CD226: variants seen among roughly 807,000 people sequenced by gnomAD.
CD226 encodes the protein CD226 molecule.
A neutral mutation model predicts 34.9 loss-of-function variants in CD226; 24 were observed. The ratio of observed to expected loss-of-function variants is 0.69; its 90% CI spans 0.50 to 0.97. The LOEUF (loss-of-function observed/expected upper bound fraction) is 0.97, where lower values mean the gene tolerates loss of function less well. Among genes scored for constraint, CD226 ranks in the 50% least tolerant of loss-of-function variants. CD226 has a pLI of 0.00. For synonymous variants in CD226, 148 were observed against 147.4 expected, an observed-to-expected ratio of 1.00 and a Z score of -0.03; for missense variants, 397 against 412.7, an observed-to-expected ratio of 0.96 and a Z score of 0.33.
At position 69,857,471 on chromosome 18, in the gene CD226, T is replaced by C. The variant is rs928166732; in HGVS notation, c.*6843A>G. ...ACTCAGGCAGCTGATCAAAGAATAA[T>C]GGTCTTAGTCACTGTAAGTACTTTT... On this transcript the variant is annotated 3_prime_UTR_variant, in exon 6 of 6. Coordinates refer to ENST00000582621, the MANE Select transcript of CD226 (RefSeq NM_001303618.2). 2 of 152,214 alleles carry C rather than the reference T, an allele frequency of 1.3e-5. No individual in the cohort carries two copies. The highest frequency in any genetic ancestry group is 4.8e-5 in the African/African-American group (2 of 41,446). 9.4% of individuals were successfully genotyped at this position (152,214 alleles called of 1,614,324 possible).
At chr18:69,873,378 A>G (rs893524007) in intron 3 of CD226, 132 bp from the exon 4 acceptor site, 5 of 561,456 alleles carry the variant, frequency 8.9e-6, no homozygotes, top group Non-Finnish European at 1.6e-5. Context: ...AAAAAATAGA[A>G]TGAGTTACAG....
intron 2 of CD226, among the ~76,000 whole-genome samples, chr18:69,919,237 G>A (rs1465960730): frequency 6.6e-6 from 1 of 152,180 alleles, no homozygotes; most frequent in East Asian, 1.9e-4. Flanking sequence ...ACCAAGAACT[G>A]GTTGTGGCCT....
Position 69,867,430 on chromosome 18 carries a change from A to T in CD226, c.831-19T>A. 1 of 1,434,782 alleles carries T rather than the reference A, an allele frequency of 7.0e-7. No individual in the cohort carries two copies. The highest frequency in any genetic ancestry group is 9.8e-7 in the Non-Finnish European group (1 of 1,016,898). 88.9% of individuals were successfully genotyped at this position (1,434,782 alleles called of 1,614,324 possible). A position where few individuals can be genotyped will look rare whatever the true frequency, so the allele number is the denominator to read the frequency against. On this transcript the variant is annotated intron_variant, in intron 4 of 5. Transcript: ENST00000582621. The stretch of plus-strand genomic sequence containing the variant: ...TCTCCTTCTGGAATGCATATTCAAT[A>T]AAGGATATAAAGATATGATATTCCA...
At position 69,891,375 on chromosome 18, in the gene CD226, A is replaced by G. The variant is rs935615917; in HGVS notation, c.727+4326T>C. On this transcript the variant is annotated intron_variant, in intron 3 of 5. Transcript: ENST00000582621. ...CATCTATGAAAAGCCCACAGCTAAC[A>G]TCATACCAAGTCATGTAAGACTGAG... Among the ~76,000 whole-genome samples, 4 of 152,200 alleles carry G rather than the reference A, an allele frequency of 2.6e-5. No individual in the cohort carries two copies. In the East Asian group the frequency reaches 7.7e-4, roughly 29 times the overall value.
chr18:69,877,125 A>G (rs1983925262), intron 3 of CD226, among the ~76,000 whole-genome samples: 1 of 151,692 alleles, frequency 6.6e-6, no homozygotes, highest in African/African-American at 2.4e-5. Context: ...CGGCCTCCCA[A>G]AGTGCTGGGA....
intron 2 of CD226, among the ~76,000 whole-genome samples, chr18:69,906,761 T>A (rs1195491340): frequency 6.6e-6 from 1 of 152,152 alleles, no homozygotes; most frequent in Admixed American, 6.5e-5. Flanking sequence ...AATCTTTGCT[T>A]GGGTTTCGCT....
At chr18:69,886,796 T>G (rs1002453979) in intron 3 of CD226, among the ~76,000 whole-genome samples, 1 of 152,106 alleles carries the variant, frequency 6.6e-6, no homozygotes, top group African/African-American at 2.4e-5. Context: ...TTACAAAGAC[T>G]TATATCTAAA....
rs1982804093 is a variant in CD226 at position 69,861,316 on chromosome 18, A to T, written c.*2998T>A. ...AACATATTATACCTAAAGTTCTTTA[A>T]ATAAAGTTTGAAGGTATCTCTTATA... On this transcript the variant is annotated 3_prime_UTR_variant, in exon 6 of 6. Coordinates refer to ENST00000582621, the MANE Select transcript of CD226 (RefSeq NM_001303618.2). 6.6e-6 allele frequency: 1 copy of T among 151,408 alleles called. No individual in the cohort carries two copies. Among genetic ancestry groups the T allele is most frequent in the African/African-American group, 2.4e-5 (1 of 41,360 alleles). The allele number at this position is 151,408 out of a possible 1,614,324, so 9.4% of individuals were successfully genotyped here.
intron 2 of CD226, among the ~76,000 whole-genome samples, chr18:69,943,131 T>C (rs481014): frequency 1 from 152,302 of 152,304 alleles, 76,150 homozygotes; most frequent in Non-Finnish European, 1. Context: ...TACGGGAACA[T>C]ATTACCTCCC....
intron 2 of CD226, among the ~76,000 whole-genome samples, chr18:69,922,239 G>T (rs2055460644): frequency 6.6e-6 from 1 of 152,118 alleles, no homozygotes; most frequent in African/African-American, 2.4e-5. Context: ...TGATTTCATT[G>T]TCAAGAAGTA....
At chr18:69,951,713 C>G (rs1319881443), upstream of CD226, among the ~76,000 whole-genome samples, 1 of 152,160 alleles carries the variant, frequency 6.6e-6, no homozygotes, top group Admixed American at 6.5e-5. Context: ...GTAATCAAAA[C>G]AGTGTGGGTA....
At chr18:69,949,545 G>A (rs2055829432), upstream of CD226, among the ~76,000 whole-genome samples, 1 of 152,000 alleles carries the variant, frequency 6.6e-6, no homozygotes, top group Admixed American at 6.6e-5. Flanking sequence ...TACTCCTCCT[G>A]CATTCATATC....
At chr18:69,878,403 A>G (rs559038409) in intron 3 of CD226, among the ~76,000 whole-genome samples, 3 of 152,338 alleles carry the variant, frequency 2.0e-5, no homozygotes, top group East Asian at 1.9e-4. Context: ...TCTGGCAATG[A>G]CAAGTATTTA....
chr18:69,896,266 C>T (rs1985291172), intron 2 of CD226: 6 of 506,640 alleles, frequency 1.2e-5, no homozygotes, highest in Non-Finnish European at 1.5e-5. Context: ...AATGCAACCT[C>T]CACCTCCCAG....
chr18:69,896,371 C>T (rs1316425936), intron 2 of CD226, among the ~76,000 whole-genome samples: 2 of 151,982 alleles, frequency 1.3e-5, no homozygotes, highest in Non-Finnish European at 2.9e-5. Flanking sequence ...TTAGTAGAGA[C>T]GGGCTTTCAC....
At position 69,871,204 on chromosome 18, in the gene CD226, A is replaced by G. The variant is rs571541643; in HGVS notation, c.830+1940T>C. Reference sequence around the variant, plus strand: ...CCGGTTCCCATGTGCTCCCTCTGCCATCTCTGCCCCCAGGATGTTTCCCAT... The same window carrying G: ...CCGGTTCCCATGTGCTCCCTCTGCCGTCTCTGCCCCCAGGATGTTTCCCAT... On this transcript the variant is annotated intron_variant, in intron 4 of 5. Coordinates refer to ENST00000582621, the MANE Select transcript of CD226 (RefSeq NM_001303618.2). 1.2e-4 allele frequency among the ~76,000 whole-genome samples: 18 copies of G among 152,290 alleles called. No homozygotes were observed. The Middle Eastern group carries it at 0.017, about 144-fold the overall frequency.
upstream of CD226, among the ~76,000 whole-genome samples, chr18:69,952,825 C>A (rs2055865432): frequency 6.6e-6 from 1 of 152,144 alleles, no homozygotes; most frequent in African/African-American, 2.4e-5. Flanking sequence ...AGAATGCAAG[C>A]AAATATTTGC....
At chr18:69,884,588 A>G (rs556432574) in intron 3 of CD226, among the ~76,000 whole-genome samples, 19 of 152,334 alleles carry the variant, frequency 1.2e-4, no homozygotes, top group African/African-American at 4.6e-4. Flanking sequence ...TTGAAATGTA[A>G]CCATCAAGGA....
chr18:69,947,272 A>G, intron 1 of CD226, 89 bp downstream of exon 1: 1 of 969,966 alleles, frequency 1.0e-6, no homozygotes, highest in South Asian at 1.5e-5. Context: ...CTAGCCAACT[A>G]AAGAGCACTG....
Sources: gnomAD v4.1 joint callset for allele counts (sites outside exome capture counted in the v4.1 genomes callset) on GRCh38, gnomAD v4.1.1 for gene constraint, MANE v1.5 for transcripts, NCBI Gene and HGNC (gene_info 2026-07-23, HGNC 2026-07-21) for gene names.